Variants in ABTB1 observed in about 807,000 individuals in gnomAD.
ABTB1 encodes ankyrin repeat and BTB domain containing 1, also known as ankyrin repeat and BTB/POZ domain-containing protein 1.
In ABTB1, 45 loss-of-function variants were observed where a neutral mutation model predicts 57.1. That is an observed-to-expected ratio of 0.79 (90% CI 0.62 to 1.01). ABTB1 has a LOEUF of 1.01. ABTB1 is among the 50% of genes least tolerant of loss of function. The pLI is 0.00. For synonymous variants in ABTB1, 302 were observed against 275.4 expected (o/e 1.10, Z -0.95); for missense variants, 630 against 666.3 (o/e 0.95, Z 0.60).
In ABTB1 at chr3:127,676,425, C is replaced by T. The variant is rs2074985511; in HGVS notation, c.474C>T (p.His158=). The T allele has an allele frequency of 1.9e-6, 3 of 1,613,958 alleles. No homozygotes were observed. The highest frequency in any genetic ancestry group is 1.7e-5 in the Admixed American group (1 of 60,010). ...GCAAGAGTGTCGTGGTTCTCAGGCA[C>T]CCACTGGTATGTCCCTTCAGGGTGG... The part of the protein sequence containing the change: ...WKGKSVVVLR[H]PLINPVAFGA... Residue 158 remains histidine (H), a synonymous_variant, in exon 5 of 12, where the codon CAC becomes CAT. Transcript: ENST00000232744. This position sits in a 1 kb window ranked among gnomAD's most constrained non-coding sequence, Gnocchi z 5.4.
At chr3:127,678,035 A>G (rs897014071) in intron 10 of ABTB1, 192 bp downstream of exon 10, 6 of 627,196 alleles carry the variant, frequency 9.6e-6, no homozygotes, top group African/African-American at 7.5e-5. Context: ...TGGGCTCCAG[A>G]GAGAGGATGA....
chr3:127,677,815 T>C lies in ABTB1; in HGVS notation c.1001T>C (p.Leu334Pro). 6.2e-7 allele frequency: 1 copy of C among 1,612,568 alleles called. No individual in the cohort carries two copies. The highest frequency in any genetic ancestry group is 8.5e-7 in the Non-Finnish European group (1 of 1,179,734). The stretch of plus-strand genomic sequence containing the variant: ...TCACCCGACGTCTTCACTCACGTGC[T>C]CTACTACATGTACAGCGACCACACT... ...GISPDVFTHV[L>P]YYMYSDHTEL... Residue 334 changes from leucine (L) to proline (P), a missense_variant, in exon 10 of 12, where the codon CTC (leucine) becomes CCC (proline). By Grantham distance (98) the Leu-to-Pro change is moderately conservative (BLOSUM62 -3). Coordinates refer to ENST00000232744, the MANE Select transcript of ABTB1 (RefSeq NM_172027.3).
At position 127,676,220 on chromosome 3, in the gene ABTB1, A is replaced by G. The variant is rs1244257634; in HGVS notation, c.321-52A>G. ...GCACTGGGTTCTGAGTGCTCCGAGG[A>G]ATGGGGTGGGGCTGTGCCAAGTATC... On this transcript the variant is annotated intron_variant, in intron 4 of 11. Transcript: ENST00000232744. This position sits in a 1 kb window ranked among gnomAD's most constrained non-coding sequence, Gnocchi z 5.4. 14 of 1,604,504 alleles carry G rather than the reference A, an allele frequency of 8.7e-6. No individual in the cohort carries two copies. Among genetic ancestry groups the G allele is most frequent in the African/African-American group, 1.3e-5 (1 of 74,734 alleles).
In ABTB1 at chr3:127,677,231, G is replaced by A. The variant is rs767792728; in HGVS notation, c.707G>A (p.Arg236His). 5.6e-6 allele frequency: 9 copies of A among 1,604,360 alleles called. No individual in the cohort carries two copies. The highest frequency in any genetic ancestry group is 1.3e-5 in the African/African-American group (1 of 74,798). ...LTIEPPPADPRLREDMALLAD... is the reference protein window; with the variant it reads ...LTIEPPPADPHLREDMALLAD... ...ATCGAGCCCCCACCTGCAGACCCCC[G>A]CCTCCGGGAGGACATGGCGCTGCTG... The change falls in exon 8 of 12, where the codon CGC becomes CAC. Residue 236 changes from arginine (R) to histidine (H), a missense_variant. Physicochemically the swap from Arg to His is conservative, Grantham distance 29. Around this residue, in one of 3 missense-constraint regions of ABTB1, gnomAD observed 579 missense variants for 585.9 expected, o/e 0.99. Coordinates refer to ENST00000232744, the MANE Select transcript of ABTB1 (RefSeq NM_172027.3).
rs760624700 is a variant in ABTB1 at position 127,680,337 on chromosome 3, G to A, written c.1299G>A (p.Glu433=). 1 of 1,610,302 alleles carries A rather than the reference G, an allele frequency of 6.2e-7. No homozygotes were observed. The highest frequency in any genetic ancestry group is 1.1e-5 in the South Asian group (1 of 90,798). Residue 433 remains glutamate (E), a synonymous_variant, in exon 12 of 12, where the codon GAG becomes GAA. Coordinates refer to ENST00000232744, the MANE Select transcript of ABTB1 (RefSeq NM_172027.3). Reference sequence around the variant, plus strand: ...CAGCGGCTGTGGCAGCCCGGCAGGAGACGGACTCTATCCCGCTGGTGGACG... The same window carrying A: ...CAGCGGCTGTGGCAGCCCGGCAGGAAACGGACTCTATCCCGCTGGTGGACG... The part of the protein sequence containing the change: ...EEAAAVAARQ[E]TDSIPLVDDI...
rs148820470 is a variant in ABTB1 at position 127,680,315 on chromosome 3, C to A, written c.1277C>A (p.Ala426Glu). The change falls in exon 12 of 12, where the codon GCG becomes GAG. Residue 426 changes from alanine to glutamate, a missense_variant. By Grantham distance (107) the Ala-to-Glu change is moderately radical. Coordinates refer to ENST00000232744, the MANE Select transcript of ABTB1 (RefSeq NM_172027.3). ...DFVEAVKEEAAAVAARQETDS... is the reference protein window; with the variant it reads ...DFVEAVKEEAEAVAARQETDS... The stretch of plus-strand genomic sequence containing the variant: ...GTGGAGGCGGTGAAGGAGGAGGCAG[C>A]GGCTGTGGCAGCCCGGCAGGAGACG... The A allele has an allele frequency of 1.9e-6, 3 of 1,611,944 alleles. No homozygotes were observed. Among genetic ancestry groups the A allele is most frequent in the African/African-American group, 2.7e-5 (2 of 74,922 alleles).
intron 10 of ABTB1, 105 bp downstream of exon 10, chr3:127,677,948 A>G: frequency 8.5e-6 from 12 of 1,407,076 alleles, no homozygotes; most frequent in South Asian, 4.0e-5. Flanking sequence ...AGCTGGCCCC[A>G]TGGTTGACGT....
intron 8 of ABTB1, 55 bp downstream of exon 8, chr3:127,677,341 G>A: frequency 6.4e-7 from 1 of 1,560,662 alleles, no homozygotes; most frequent in Non-Finnish European, 8.8e-7. Context: ...GGCCGTGACA[G>A]GCAGCCCAGA....
At chr3:127,678,477 G>C (rs1250060551) in intron 10 of ABTB1, 1 of 152,794 alleles carries the variant, frequency 6.5e-6, no homozygotes, top group African/African-American at 2.4e-5. Context: ...GTATGCCTAA[G>C]GGTGAAGGTC....
Position 127,676,241 on chromosome 3 carries a change from G to A in ABTB1, c.321-31G>A, listed in dbSNP as rs761085222. ...GAGGAATGGGGTGGGGCTGTGCCAAGTATCCTCCCTCCTGGCTTGTCCCTC... is the reference window on the plus strand; with the variant it reads ...GAGGAATGGGGTGGGGCTGTGCCAAATATCCTCCCTCCTGGCTTGTCCCTC... On this transcript the variant is annotated intron_variant, in intron 4 of 11. Coordinates refer to ENST00000232744, the MANE Select transcript of ABTB1 (RefSeq NM_172027.3). This position sits in a 1 kb window ranked among gnomAD's most constrained non-coding sequence, Gnocchi z 5.4. The A allele has an allele frequency of 6.2e-7, 1 of 1,606,682 alleles. No homozygotes were observed. Among genetic ancestry groups the A allele is most frequent in the Admixed American group, 1.7e-5 (1 of 59,864 alleles).
chr3:127,680,633 G>T lies in ABTB1; in HGVS notation c.*158G>T, dbSNP rs768000366. 18 of 935,056 alleles carry T rather than the reference G, an allele frequency of 1.9e-5. No homozygotes were observed. In the South Asian group the frequency reaches 2.0e-4, roughly 10 times the overall value. The allele number at this position is 935,056 out of a possible 1,614,324, so 57.9% of individuals were successfully genotyped here. A position where few individuals can be genotyped will look rare whatever the true frequency, so the allele number is the denominator to read the frequency against. ...CTTCTCTTCCCTCCATGAGCCTGGA[G>T]ACCCCAGGGGAGGATCCATTTGGGA... On this transcript the variant is annotated 3_prime_UTR_variant, in exon 12 of 12. Transcript: ENST00000232744.
Position 127,680,728 on chromosome 3 carries a change from T to C in ABTB1, c.*253T>C. 3.0e-6 allele frequency: 2 copies of C among 677,528 alleles called. No individual in the cohort carries two copies. The highest frequency in any genetic ancestry group is 5.3e-6 in the Non-Finnish European group (2 of 380,314). The allele number at this position is 677,528 out of a possible 1,614,324, so 42.0% of individuals were successfully genotyped here. ...GGGGTGGACACCACTCAGGGAAACC[T>C]GGGGTGGGGGTGGGCTTTGGTCTTA... On this transcript the variant is annotated 3_prime_UTR_variant, in exon 12 of 12. Coordinates refer to ENST00000232744, the MANE Select transcript of ABTB1 (RefSeq NM_172027.3).
chr3:127,677,369 T>G, intron 8 of ABTB1, 83 bp downstream of exon 8: 1 of 1,564,570 alleles, frequency 6.4e-7, no homozygotes, highest in Non-Finnish European at 8.8e-7. Flanking sequence ...GCTCAATTCC[T>G]TGTGTGGTCC....
intron 3 of ABTB1, 92 bp from the exon 4 acceptor site, chr3:127,675,878 C>T: frequency 6.6e-7 from 1 of 1,514,756 alleles, no homozygotes; most frequent in Non-Finnish European, 9.0e-7. Context: ...GATTCGGAGC[C>T]CCATGTGTGG....
chr3:127,673,915 A>G (rs1439870186), intron 1 of ABTB1, among the ~76,000 whole-genome samples: 2 of 152,110 alleles, frequency 1.3e-5, no homozygotes, highest in Non-Finnish European at 2.9e-5. Flanking sequence ...CCCCTCGCTC[A>G]CCTTCCGCAT....
At chr3:127,679,444 T>A (rs919539860) in intron 10 of ABTB1, 3 of 448,522 alleles carry the variant, frequency 6.7e-6, no homozygotes, top group African/African-American at 6.0e-5. Flanking sequence ...CAGCACAGGA[T>A]GTATCTGTAG....
Position 127,676,045 on chromosome 3 carries a change from C to T in ABTB1, c.251C>T (p.Ala84Val). ...YGALSDPIRR[A>V]LRDYKQVTAS... ...GCACTGAGTGACCCCATCCGCCGGGCTCTACGCGATTACAAGCAGGTCACG... is the reference window on the plus strand; with the variant it reads ...GCACTGAGTGACCCCATCCGCCGGGTTCTACGCGATTACAAGCAGGTCACG... Residue 84 changes from alanine to valine, a missense_variant, in exon 4 of 12, where the codon GCT becomes GTT. By Grantham distance (64) the Ala-to-Val change is moderately conservative. Transcript: ENST00000232744. This position sits in a 1 kb window ranked among gnomAD's most constrained non-coding sequence, Gnocchi z 5.4. 2 of 1,613,206 alleles carry T rather than the reference C, an allele frequency of 1.2e-6. No homozygotes were observed. Among genetic ancestry groups the T allele is most frequent in the Non-Finnish European group, 1.7e-6 (2 of 1,179,990 alleles).
In ABTB1 at chr3:127,676,510, A is replaced by G. The variant is rs747448452; in HGVS notation, c.481-26A>G. Reference sequence around the variant, plus strand: ...GTTGTGCTGGGTGGCTGCCTCTGACATTACTTTCTGGTTTTCTGCCCACAG... The same window carrying G: ...GTTGTGCTGGGTGGCTGCCTCTGACGTTACTTTCTGGTTTTCTGCCCACAG... On this transcript the variant is annotated intron_variant, in intron 5 of 11. Transcript: ENST00000232744. The surrounding 1 kb of genome is among the most constrained non-coding windows in gnomAD (Gnocchi z 5.4). 1.2e-6 allele frequency: 2 copies of G among 1,614,000 alleles called. No individual in the cohort carries two copies. Among genetic ancestry groups the G allele is most frequent in the Admixed American group, 1.7e-5 (1 of 60,014 alleles).
Position 127,676,997 on chromosome 3 carries a change from G to A in ABTB1, c.557G>A (p.Ser186Asn). 1.2e-6 allele frequency: 2 copies of A among 1,614,008 alleles called. No homozygotes were observed. Among genetic ancestry groups the A allele is most frequent in the Non-Finnish European group, 1.7e-6 (2 of 1,179,964 alleles). Residue 186 changes from serine to asparagine, a missense_variant, in exon 7 of 12, where the codon AGT (serine) becomes AAT (asparagine). Ser to Asn is a conservative substitution (Grantham distance 46). Coordinates refer to ENST00000232744, the MANE Select transcript of ABTB1 (RefSeq NM_172027.3). The surrounding 1 kb of genome is among the most constrained non-coding windows in gnomAD (Gnocchi z 5.4). ...GRLDIGVEHV[S>N]DCERLAKQCQ... ...CTGGACATTGGCGTAGAGCATGTGAGTGACTGTGAGCGCCTGGCCAAGCAA... is the reference window on the plus strand; with the variant it reads ...CTGGACATTGGCGTAGAGCATGTGAATGACTGTGAGCGCCTGGCCAAGCAA...
Sources: gnomAD v4.1 joint callset for allele counts (sites outside exome capture counted in the v4.1 genomes callset) on GRCh38, gnomAD v4.1.1 for gene constraint, gnomAD v4.1.1 regional missense constraint, Gnocchi (gnomAD v3.1) non-coding constraint, MANE v1.5 for transcripts, NCBI Gene and HGNC (gene_info 2026-07-23, HGNC 2026-07-21) for gene names.